The following RHBDF2 variants were observed in gnomAD, a reference collection of about 807,000 sequenced individuals.
RHBDF2 encodes the protein inactive rhomboid protein 2.
A neutral mutation model predicts 95.2 loss-of-function variants in RHBDF2; 38 were observed. The observed-to-expected ratio is 0.40, with a 90% confidence interval of 0.31 to 0.52. RHBDF2 has a LOEUF of 0.52. RHBDF2 is among the 20% of genes least tolerant of loss of function. The pLI is 0.56. For synonymous variants in RHBDF2, 442 were observed against 462.0 expected (o/e 0.96, Z 0.55); for missense variants, 863 against 1,137.7 (o/e 0.76, Z 3.47).
At chr17:76,477,352 C>A in intron 7 of RHBDF2, 54 bp from the exon 8 acceptor site, 1 of 1,573,548 alleles carries the variant, frequency 6.4e-7, no homozygotes, top group Non-Finnish European at 8.6e-7. Flanking sequence ...AAACACTGCC[C>A]CCCGGAACCT....
intron 2 of RHBDF2, among the ~76,000 whole-genome samples, chr17:76,482,973 T>C (rs2144239145): frequency 6.6e-6 from 1 of 151,910 alleles, no homozygotes; most frequent in South Asian, 2.1e-4. Context: ...AGTTCGAGAC[T>C]AGCCTGGCCA....
chr17:76,498,940 T>C (rs974218578), intron 1 of RHBDF2, among the ~76,000 whole-genome samples: 9 of 151,728 alleles, frequency 5.9e-5, no homozygotes, highest in African/African-American at 2.2e-4. Flanking sequence ...GGTTTGTTCG[T>C]GGGGCTCTTG....
chr17:76,481,028 C>T (rs1356982500), intron 3 of RHBDF2, among the ~76,000 whole-genome samples: 1 of 152,196 alleles, frequency 6.6e-6, no homozygotes, highest in Non-Finnish European at 1.5e-5. Flanking sequence ...CCCCTGCTCA[C>T]CCATGTCAAA....
intron 1 of RHBDF2, among the ~76,000 whole-genome samples, chr17:76,499,898 G>T (rs2074534605): frequency 6.6e-6 from 1 of 152,062 alleles, no homozygotes; most frequent in South Asian, 2.1e-4. Context: ...GGGCTGCAAG[G>T]GGGTCCTCTG....
At chr17:76,479,586 A>C (rs763259982) in intron 4 of RHBDF2, 147 bp downstream of exon 4, 59 of 726,570 alleles carry the variant, frequency 8.1e-5, no homozygotes, top group Admixed American at 1.3e-4. Flanking sequence ...ATACCATGAT[A>C]ATAGGCCACA....
chr17:76,471,496 G>A lies in RHBDF2; in HGVS notation c.*137C>T, dbSNP rs758206956. ...CGCGGAGTCAGCCTCGCCTGGCAGG[G>A]GGGCACCCAGGTCCAGAGCCCGGGC... On this transcript the variant is annotated 3_prime_UTR_variant, in exon 19 of 19. Coordinates refer to ENST00000675367, the MANE Select transcript of RHBDF2 (RefSeq NM_001005498.4). The A allele has an allele frequency of 8.4e-5, 84 of 996,024 alleles. No individual in the cohort carries two copies. Among genetic ancestry groups the A allele is most frequent in the Non-Finnish European group, 8.8e-5 (61 of 692,520 alleles). The allele number at this position is 996,024 out of a possible 1,614,324, so 61.7% of individuals were successfully genotyped here.
intron 1 of RHBDF2, among the ~76,000 whole-genome samples, chr17:76,490,216 CTTT>C (rs2074261328): frequency 6.6e-6 from 1 of 152,206 alleles, no homozygotes; most frequent in African/African-American, 2.4e-5. Flanking sequence ...TCTCCCGCTT[CTTT>C]AAGGCTAGTC....
At position 76,477,721 on chromosome 17, in the gene RHBDF2, G is replaced by C; in HGVS notation, c.737C>G (p.Pro246Arg). ...GACCACATCCTCCTCCAGGAAGCTC[G>C]GGAAGGCAAAGCTGCGCTTGACCAC... ...CRVVKRSFAF[P>R]SFLEEDVVDG... Residue 246 changes from proline (P) to arginine (R), a missense_variant, in exon 7 of 19, where the codon CCG (proline) becomes CGG (arginine). By Grantham distance (103) the Pro-to-Arg change is moderately radical. Transcript: ENST00000675367. 6.2e-7 allele frequency: 1 copy of C among 1,613,978 alleles called. No individual in the cohort carries two copies. The highest frequency in any genetic ancestry group is 8.5e-7 in the Non-Finnish European group (1 of 1,180,018).
chr17:76,481,344 G>T, intron 3 of RHBDF2, 31 bp downstream of exon 3: 1 of 1,595,490 alleles, frequency 6.3e-7, no homozygotes, highest in Non-Finnish European at 8.5e-7. Context: ...ACCTACGGCA[G>T]AACAGTGAGC....
At position 76,471,346 on chromosome 17, in the gene RHBDF2, G is replaced by A. The variant is rs886053467; in HGVS notation, c.*287C>T. 7.0e-5 allele frequency: 30 copies of A among 429,478 alleles called. No homozygotes were observed. Among genetic ancestry groups the A allele is most frequent in the African/African-American group, 5.5e-4 (28 of 50,726 alleles). 26.6% of individuals were successfully genotyped at this position (429,478 alleles called of 1,614,324 possible). On this transcript the variant is annotated 3_prime_UTR_variant, in exon 19 of 19. Coordinates refer to ENST00000675367, the MANE Select transcript of RHBDF2 (RefSeq NM_001005498.4). ...TGCCCCAGGAGATGGTCTCAGCAAG[G>A]AGCGGGATATTAGGAACTGAGACCC...
At chr17:76,493,392 C>T (rs1387298475) in intron 1 of RHBDF2, among the ~76,000 whole-genome samples, 1 of 152,148 alleles carries the variant, frequency 6.6e-6, no homozygotes, top group Non-Finnish European at 1.5e-5. Flanking sequence ...GTTCTTACAC[C>T]TCCCCATGCA....
At chr17:76,480,017 G>A (rs1450563042) in intron 3 of RHBDF2, 163 bp from the exon 4 acceptor site, 1 of 126,542 alleles carries the variant, frequency 7.9e-6, no homozygotes, top group South Asian at 1.0e-4. Context: ...ATGTGTGTGT[G>A]TGTGTGTGTG....
At chr17:76,489,154 C>A (rs960375159) in intron 1 of RHBDF2, among the ~76,000 whole-genome samples, 5 of 151,944 alleles carry the variant, frequency 3.3e-5, no homozygotes, top group Admixed American at 6.6e-5. Context: ...ACAAAAGAAC[C>A]CCACATATTT....
intron 1 of RHBDF2, among the ~76,000 whole-genome samples, chr17:76,498,241 C>T (rs1488674553): frequency 6.6e-6 from 1 of 152,174 alleles, no homozygotes; most frequent in Non-Finnish European, 1.5e-5. Context: ...GCGCAGACGT[C>T]CCCGCCACTC....
intron 7 of RHBDF2, 26 bp from the exon 8 acceptor site, chr17:76,477,324 G>A (rs994389417): frequency 6.2e-7 from 1 of 1,607,514 alleles, no homozygotes; most frequent in Non-Finnish European, 8.5e-7. Context: ...AGAAAATACA[G>A]TGTAAGGAGT....
Position 76,471,452 on chromosome 17 carries a change from G to A in RHBDF2, c.*181C>T, listed in dbSNP as rs374842629. ...AGGCCTCACGCCCCAGAAAAACCCC[G>A]CCTTAACCAACCATCTCACGCGGAG... On this transcript the variant is annotated 3_prime_UTR_variant, in exon 19 of 19. Transcript: ENST00000675367. The A allele has an allele frequency of 5.8e-4, 385 of 668,882 alleles. 2 individuals are homozygous for A. In the East Asian group the frequency reaches 8.7e-3, roughly 15 times the overall value. 41.4% of individuals were successfully genotyped at this position (668,882 alleles called of 1,614,324 possible).
chr17:76,498,823 T>TGTGTGTGTGTGTGTGA (rs763823463), intron 1 of RHBDF2, among the ~76,000 whole-genome samples: 3 of 141,212 alleles, frequency 2.1e-5, no homozygotes, highest in East Asian at 2.1e-4. Flanking sequence ...TGTGTGTGTG[T>TGTGTGTGTGTGTGTGA]GAGTCTGTGT....
Position 76,480,007 on chromosome 17 carries a change from A to ATG in RHBDF2, c.151-155_151-154dup, listed in dbSNP as rs138608987. 19,656 of 305,420 alleles carry ATG rather than the reference A, an allele frequency of 0.064. 620 individuals are homozygous for ATG. The highest frequency in any genetic ancestry group is 0.17 in the African/African-American group (4,983 of 29,488). 18.9% of individuals were successfully genotyped at this position (305,420 alleles called of 1,614,324 possible). A position where few individuals can be genotyped will look rare whatever the true frequency, so the allele number is the denominator to read the frequency against. On this transcript the variant is annotated intron_variant, in intron 3 of 18. Transcript: ENST00000675367. ...TTTCATTTGGAAATATATATATATA[A>ATG]TGTGTGTGTGTGTGTGTGTGTGTGT... is the stretch of plus-strand genomic sequence containing the variant.
chr17:76,478,477 C>T (rs2073843053), intron 6 of RHBDF2, among the ~76,000 whole-genome samples: 1 of 152,218 alleles, frequency 6.6e-6, no homozygotes, highest in Admixed American at 6.5e-5. Context: ...CACGCGGTGC[C>T]CAGCACGTAA....
Sources: gnomAD v4.1 joint callset for allele counts (sites outside exome capture counted in the v4.1 genomes callset) on GRCh38, gnomAD v4.1.1 for gene constraint, MANE v1.5 for transcripts, NCBI Gene and HGNC (gene_info 2026-07-23, HGNC 2026-07-21) for gene names.